Variants in ADGRB3 observed in about 807,000 individuals in gnomAD.
ADGRB3 encodes brain-specific angiogenesis inhibitor 3.
Under a neutral mutation model 193.4 loss-of-function variants are expected in ADGRB3, and 37 were observed. That is an observed-to-expected ratio of 0.19 (90% confidence interval 0.15 to 0.25). The LOEUF (loss-of-function observed/expected upper bound fraction) is 0.25. Among genes scored for constraint, ADGRB3 ranks in the 10% least tolerant of loss-of-function variants. ADGRB3 has a pLI of 1.00. For missense variants in ADGRB3, 1,637 were observed against 1,852.9 expected (o/e 0.88, Z 2.14); for synonymous variants, 690 against 644.2 (o/e 1.07, Z -1.08).
At chr6:68,720,674 GA>G in intron 3 of ADGRB3, among the ~76,000 whole-genome samples, 1 of 151,748 alleles carries the variant, frequency 6.6e-6, no homozygotes, top group East Asian at 2.0e-4. Flanking sequence ...AAGAAAAAAT[GA>G]AAAAAGAAAA....
At chr6:68,750,027 C>T (rs759358008) in intron 3 of ADGRB3, among the ~76,000 whole-genome samples, 2 of 151,826 alleles carry the variant, frequency 1.3e-5, no homozygotes, top group African/African-American at 2.4e-5. Flanking sequence ...ATTTTGTGAC[C>T]GTCCTTGATA....
At position 68,709,258 on chromosome 6, in the gene ADGRB3, C is replaced by T. The variant is rs1765372476; in HGVS notation, c.757+69826C>T. On this transcript the variant is annotated intron_variant, in intron 3 of 31. Coordinates refer to ENST00000370598, the MANE Select transcript of ADGRB3 (RefSeq NM_001704.3). ...GCGAATAGCTTTTCCATTGGTCACACTGATTTCTTTCTTTTCCGGTTGAGA... is the reference window on the plus strand; with the variant it reads ...GCGAATAGCTTTTCCATTGGTCACATTGATTTCTTTCTTTTCCGGTTGAGA... 2.0e-5 allele frequency among the ~76,000 whole-genome samples: 3 copies of T among 152,148 alleles called. No individual in the cohort carries two copies. In the South Asian group the frequency reaches 6.2e-4, roughly 32 times the overall value.
At chr6:68,995,612 G>T (rs1190754684) in intron 11 of ADGRB3, among the ~76,000 whole-genome samples, 1 of 152,178 alleles carries the variant, frequency 6.6e-6, no homozygotes, top group Non-Finnish European at 1.5e-5. Flanking sequence ...TCAGAAATAG[G>T]TTTCTCTCTT....
chr6:68,759,217 A>G (rs1016554635), intron 3 of ADGRB3, among the ~76,000 whole-genome samples: 2 of 152,150 alleles, frequency 1.3e-5, no homozygotes, highest in African/African-American at 4.8e-5. Flanking sequence ...ATTATTATAT[A>G]GAGTGTATAC....
intron 3 of ADGRB3, among the ~76,000 whole-genome samples, chr6:68,772,892 AAAATATATATAT>A (rs1190330598): frequency 0.022 from 677 of 30,520 alleles, 25 homozygotes; most frequent in East Asian, 0.13. Context: ...CAAAAAAAAA[AAAATATATATAT>A]ATATATATAT....
intron 20 of ADGRB3, among the ~76,000 whole-genome samples, chr6:69,294,951 A>G (rs774967855): frequency 2.1e-4 from 32 of 152,166 alleles, no homozygotes; most frequent in Middle Eastern, 3.2e-3. Context: ...CATGGATAAC[A>G]TCATTACTGA....
At chr6:69,175,632 T>C (rs1390111875) in intron 17 of ADGRB3, among the ~76,000 whole-genome samples, 1 of 152,218 alleles carries the variant, frequency 6.6e-6, no homozygotes, top group East Asian at 1.9e-4. Context: ...GGCTCTTCTT[T>C]GGTTTCATAT....
intron 17 of ADGRB3, among the ~76,000 whole-genome samples, chr6:69,169,768 T>C (rs1045865179): frequency 2.6e-5 from 4 of 152,142 alleles, no homozygotes; most frequent in Non-Finnish European, 4.4e-5. Flanking sequence ...CTCAGGAATA[T>C]TCAACCATTT....
intron 15 of ADGRB3, among the ~76,000 whole-genome samples, chr6:69,050,177 A>G (rs1158750454): frequency 1.3e-5 from 2 of 152,220 alleles, no homozygotes; most frequent in Non-Finnish European, 2.9e-5. Flanking sequence ...TATACTGCGG[A>G]CAAAACAAAT....
chr6:68,799,577 G>A (rs1056438199), intron 3 of ADGRB3, among the ~76,000 whole-genome samples: 1 of 151,962 alleles, frequency 6.6e-6, no homozygotes, highest in Non-Finnish European at 1.5e-5. Flanking sequence ...ATAAAAAAAA[G>A]TTACCTGTCC....
chr6:68,874,167 A>G (rs1337013564), intron 3 of ADGRB3, among the ~76,000 whole-genome samples: 1 of 152,116 alleles, frequency 6.6e-6, no homozygotes, highest in African/African-American at 2.4e-5. Flanking sequence ...ATGATGGGAT[A>G]ATTTTACCTA....
At chr6:69,170,602 A>G (rs1004311041) in intron 17 of ADGRB3, among the ~76,000 whole-genome samples, 4 of 152,206 alleles carry the variant, frequency 2.6e-5, no homozygotes, top group African/African-American at 4.8e-5. Flanking sequence ...AGAAAGCAGG[A>G]GGTCTATAGA....
chr6:68,851,843 G>T (rs1032266655), intron 3 of ADGRB3, among the ~76,000 whole-genome samples: 1 of 151,732 alleles, frequency 6.6e-6, no homozygotes, highest in South Asian at 2.1e-4. Flanking sequence ...CTTTTGGAAA[G>T]TTTCAGGAGG....
intron 17 of ADGRB3, among the ~76,000 whole-genome samples, chr6:69,220,533 C>G (rs1399678311): frequency 1.3e-5 from 2 of 152,056 alleles, no homozygotes; most frequent in Admixed American, 6.6e-5. Context: ...AAGGAGAGAG[C>G]AGTAGCAGGC....
intron 11 of ADGRB3, among the ~76,000 whole-genome samples, chr6:69,012,208 T>TTTTTG (rs753933717): frequency 6.1e-4 from 92 of 151,878 alleles, no homozygotes; most frequent in Non-Finnish European, 9.6e-4. Flanking sequence ...TTTTTTTTTG[T>TTTTTG]TTTTGTTTTG....
chr6:68,780,961 T>C (rs1766841185), intron 3 of ADGRB3, among the ~76,000 whole-genome samples: 1 of 152,184 alleles, frequency 6.6e-6, no homozygotes, highest in Admixed American at 6.6e-5. Flanking sequence ...TTTAGATAGC[T>C]GCTTTATATC....
intron 17 of ADGRB3, among the ~76,000 whole-genome samples, chr6:69,180,692 CCTT>C (rs375968205): frequency 3.9e-5 from 6 of 152,306 alleles, no homozygotes; most frequent in Admixed American, 6.5e-5. Context: ...TAGCAGCTCT[CCTT>C]CTGCCTCAGG....
intron 3 of ADGRB3, among the ~76,000 whole-genome samples, chr6:68,719,018 G>A (rs1360730235): frequency 6.6e-6 from 1 of 151,776 alleles, no homozygotes. Flanking sequence ...AATGTGTGGT[G>A]TATTGTGTCC....
chr6:68,997,889 A>T (rs945137293), intron 11 of ADGRB3, among the ~76,000 whole-genome samples: 2 of 152,134 alleles, frequency 1.3e-5, no homozygotes, highest in Admixed American at 6.5e-5. Context: ...TTGTATTTGT[A>T]TATAAAAACA....
Sources: gnomAD v4.1 joint callset for allele counts (sites outside exome capture counted in the v4.1 genomes callset) on GRCh38, gnomAD v4.1.1 for gene constraint, MANE v1.5 for transcripts, NCBI Gene and HGNC (gene_info 2026-07-23, HGNC 2026-07-21) for gene names.